Variants in ARHGAP40 observed in about 807,000 individuals in gnomAD.
ARHGAP40 encodes the protein rho GTPase-activating protein 40.
Under a neutral mutation model 73.5 loss-of-function variants are expected in ARHGAP40, and 43 were observed. The ratio of observed to expected loss-of-function variants is 0.58; its 90% CI spans 0.46 to 0.75. ARHGAP40 has a LOEUF of 0.75. ARHGAP40 is among the 30% of genes least tolerant of loss of function. The pLI, the probability that ARHGAP40 is intolerant of heterozygous loss-of-function variation, is 0.00. For synonymous variants in ARHGAP40, 300 were observed against 352.8 expected (o/e 0.85, Z 1.68); for missense variants, 734 against 861.8 (o/e 0.85, Z 1.86).
At chr20:38,614,526 A>G (rs1250225579) in intron 1 of ARHGAP40, among the ~76,000 whole-genome samples, 1 of 152,034 alleles carries the variant, frequency 6.6e-6, no homozygotes, top group Non-Finnish European at 1.5e-5. Flanking sequence ...GGGAAAAAAA[A>G]CCATTGGCCA....
chr20:38,623,303 C>A, intron 1 of ARHGAP40, 56 bp from the exon 2 acceptor site: 1 of 1,210,078 alleles, frequency 8.3e-7, no homozygotes, highest in South Asian at 1.4e-5. Context: ...CTCAGCACAA[C>A]CCCCATCATA....
At chr20:38,629,308 T>G (rs2088922647) in intron 4 of ARHGAP40, among the ~76,000 whole-genome samples, 194 bp from the exon 5 acceptor site, 1 of 152,126 alleles carries the variant, frequency 6.6e-6, no homozygotes, top group Non-Finnish European at 1.5e-5. Context: ...CTGGGGGCAA[T>G]GGGCCATAGC....
intron 2 of ARHGAP40, among the ~76,000 whole-genome samples, chr20:38,623,856 T>G (rs2145601975): frequency 6.6e-6 from 1 of 152,318 alleles, no homozygotes; most frequent in African/African-American, 2.4e-5. Context: ...GTTTAGGCAC[T>G]GGGGATACAA....
Position 38,636,264 on chromosome 20 carries a change from A to AT in ARHGAP40, c.950-1429dup, listed in dbSNP as rs926884192. Among the ~76,000 whole-genome samples the AT allele has an allele frequency of 8.2e-3, 1,196 of 145,248 alleles. 9 individuals carry two copies. The highest frequency in any genetic ancestry group is 0.025 in the Middle Eastern group (7 of 280). On this transcript the variant is annotated intron_variant, in intron 6 of 14. Coordinates refer to ENST00000373345, the Ensembl canonical transcript of ARHGAP40. ...TTGAAAACATGATTTTTATTTATTT[A>AT]TTTTTTTTTTTTTTTGAGAGAAAGT...
Position 38,626,648 on chromosome 20 carries a change from T to G in ARHGAP40, c.338-347T>G, listed in dbSNP as rs574180025. ...CACCATGTGACCCTGTAGTGGTCTC[T>G]GCCAGATTTTGGATAAGTGGGTTCA... On this transcript the variant is annotated intron_variant, in intron 2 of 14. Transcript: ENST00000373345. Among the ~76,000 whole-genome samples, 15 of 152,364 alleles carry G rather than the reference T, an allele frequency of 9.8e-5. No homozygotes were observed. The South Asian group carries it at 2.7e-3, about 27-fold the overall frequency.
At chr20:38,609,051 C>T (rs1319956238) in intron 1 of ARHGAP40, among the ~76,000 whole-genome samples, 1 of 152,166 alleles carries the variant, frequency 6.6e-6, no homozygotes, top group Admixed American at 6.5e-5. Flanking sequence ...AGAATAATCT[C>T]CCCAAAATCA....
intron 10 of ARHGAP40, among the ~76,000 whole-genome samples, chr20:38,642,110 T>C (rs2089022445): frequency 1.3e-5 from 2 of 152,200 alleles, no homozygotes; most frequent in Admixed American, 6.5e-5. Flanking sequence ...AGGTTAAGAA[T>C]ACTTTTCTCC....
chr20:38,638,961 C>G (rs763870901), intron 8 of ARHGAP40, 123 bp downstream of exon 8: 4 of 997,162 alleles, frequency 4.0e-6, no homozygotes, highest in East Asian at 6.1e-5. Context: ...CTGTGTGGGT[C>G]GAGGGTTTGA....
chr20:38,614,619 G>A (rs960449987), intron 1 of ARHGAP40, among the ~76,000 whole-genome samples: 2 of 152,092 alleles, frequency 1.3e-5, no homozygotes, highest in Admixed American at 1.3e-4. Context: ...AGACCCAAGC[G>A]GCTCTGCTAG....
rs141956879 is a variant in ARHGAP40 at position 38,616,186 on chromosome 20, T to C, written c.138-7173T>C. Among the ~76,000 whole-genome samples, 7 of 152,248 alleles carry C rather than the reference T, an allele frequency of 4.6e-5. No individual in the cohort carries two copies. In the Middle Eastern group the frequency reaches 0.01, roughly 222 times the overall value. On this transcript the variant is annotated intron_variant, in intron 1 of 14. Coordinates refer to ENST00000373345, the Ensembl canonical transcript of ARHGAP40. ...TGGCTAGCTCTCTCACCCACCTCTCTCCCTCCTTTCCCTTCACCCCAAGCT... is the reference window on the plus strand; with the variant it reads ...TGGCTAGCTCTCTCACCCACCTCTCCCCCTCCTTTCCCTTCACCCCAAGCT...
At position 38,628,373 on chromosome 20, in the gene ARHGAP40, C is replaced by T. The variant is rs544729457; in HGVS notation, c.559-554C>T. ...AGGCTAGAGTGCAGTGGCGACATCT[C>T]GACTCACTGCAAGCTCCGCCTCCCG... On this transcript the variant is annotated intron_variant, in intron 3 of 14. Coordinates refer to ENST00000373345, the Ensembl canonical transcript of ARHGAP40. Among the ~76,000 whole-genome samples, 208 of 151,740 alleles carry T rather than the reference C, an allele frequency of 1.4e-3. 1 individual carries two copies. The highest frequency in any genetic ancestry group is 4.4e-3 in the African/African-American group (180 of 41,336).
chr20:38,630,255 T>C (rs970167159), intron 5 of ARHGAP40, among the ~76,000 whole-genome samples: 2 of 145,438 alleles, frequency 1.4e-5, no homozygotes, highest in Admixed American at 1.4e-4. Flanking sequence ...GGTCTCACTC[T>C]GTCACCCAGG....
Position 38,634,650 on chromosome 20 carries a change from G to T in ARHGAP40, c.814G>T (p.Val272Leu), listed in dbSNP as rs764854776. ...TACCGTCCCCAAAGGCAGACTTGGC[G>T]TGACGAGGATAGGAGACTTGTCCCT... Residue 272 changes from valine to leucine, a missense_variant, in exon 6 of 15, where the codon GTG becomes TTG. By Grantham distance (32) the Val-to-Leu change is conservative. Coordinates refer to ENST00000373345, the Ensembl canonical transcript of ARHGAP40. 2 of 1,305,316 alleles carry T rather than the reference G, an allele frequency of 1.5e-6. No individual in the cohort carries two copies. The highest frequency in any genetic ancestry group is 3.0e-5 in the African/African-American group (2 of 65,866). The allele number at this position is 1,305,316 out of a possible 1,614,324, so 80.9% of individuals were successfully genotyped here. A position where few individuals can be genotyped will look rare whatever the true frequency, so the allele number is the denominator to read the frequency against.
chr20:38,628,983 G>A, exon 4 of ARHGAP40: 1 of 1,304,990 alleles, frequency 7.7e-7, no homozygotes, highest in Non-Finnish European at 1.0e-6. Flanking sequence ...TCAGTTCCGG[G>A]GCCTCTAAGT....
At chr20:38,615,785 G>A (rs185567549) in intron 1 of ARHGAP40, among the ~76,000 whole-genome samples, 17 of 152,244 alleles carry the variant, frequency 1.1e-4, no homozygotes, top group Non-Finnish European at 1.9e-4. Flanking sequence ...GTGCGATAGC[G>A]TGCTGTCCCT....
At chr20:38,605,276 G>C (rs552061138) in intron 1 of ARHGAP40, among the ~76,000 whole-genome samples, 68 of 152,292 alleles carry the variant, frequency 4.5e-4, no homozygotes, top group African/African-American at 1.6e-3. Context: ...GGATATGAGG[G>C]TGTGGGCATG....
chr20:38,642,682 C>T (rs1173032452), intron 10 of ARHGAP40, among the ~76,000 whole-genome samples: 8 of 147,414 alleles, frequency 5.4e-5, no homozygotes, highest in East Asian at 4.3e-4. Flanking sequence ...TATTCTCATT[C>T]GTCCATCTAT....
chr20:38,638,664 C>A, intron 7 of ARHGAP40, 97 bp from the exon 8 acceptor site: 1 of 877,254 alleles, frequency 1.1e-6, no homozygotes, highest in Non-Finnish European at 1.6e-6. Flanking sequence ...TCTCCTGGTA[C>A]TCCCCTCTTT....
At chr20:38,601,913 G>T (rs1398176659) in exon 1 of ARHGAP40, 1 of 1,287,314 alleles carries the variant, frequency 7.8e-7, no homozygotes, top group South Asian at 1.2e-5. Context: ...GCAGCACCAC[G>T]ACCGACCGGG....
Sources: gnomAD v4.1 joint callset for allele counts (sites outside exome capture counted in the v4.1 genomes callset) on GRCh38, gnomAD v4.1.1 for gene constraint, MANE v1.5 for transcripts, NCBI Gene and HGNC (gene_info 2026-07-23, HGNC 2026-07-21) for gene names.